The following TENM1 variants were observed in gnomAD, a reference collection of about 807,000 sequenced individuals.
TENM1 encodes teneurin transmembrane protein 1.
TENM1 carries 35 observed loss-of-function variants against 174.8 expected under a neutral mutation model. The ratio of observed to expected loss-of-function variants is 0.20; its 90% CI spans 0.15 to 0.27. The LOEUF is 0.27. Ranked by LOEUF, TENM1 falls within the 10% of genes least tolerant of loss-of-function variation. The pLI, the probability that TENM1 is intolerant of heterozygous loss-of-function variation, is 1.00. For synonymous variants in TENM1, 781 were observed against 798.7 expected (o/e 0.98, Z 0.37); for missense variants, 1,633 against 2,130.1 (o/e 0.77, Z 4.59).
chrX:124,377,198 G>A (rs2060113529), exon 32 of TENM1: 1 of 110,819 alleles, frequency 9.0e-6, no homozygotes, highest in African/African-American at 3.3e-5. Flanking sequence ...CAACAGTGAT[G>A]AAAATGTCTC....
At chrX:124,529,807 C>T (rs2048065025) in intron 16 of TENM1, 57 bp downstream of exon 19, 5 of 1,202,758 alleles carry the variant, frequency 4.2e-6, no homozygotes, top group Non-Finnish European at 5.6e-6. Flanking sequence ...CTGGTTTTAC[C>T]CCTGGCTAGA....
intron 5 of TENM1, among the ~76,000 whole-genome samples, chrX:124,681,446 T>G (rs2052231504): frequency 8.9e-6 from 1 of 111,953 alleles, no homozygotes; most frequent in African/African-American, 3.2e-5. Context: ...CAAATGGGGT[T>G]GATTCATGAT....
At chrX:125,163,352 C>A in the TENM1 span, among the ~76,000 whole-genome samples, 1 of 110,416 alleles carries the variant, frequency 9.1e-6, no homozygotes, top group African/African-American at 3.3e-5. Context: ...CCAATGACAT[C>A]ATAATGATTA....
chrX:125,177,583 G>T, the TENM1 span, among the ~76,000 whole-genome samples: 1 of 112,126 alleles, frequency 8.9e-6, no homozygotes, highest in African/African-American at 3.2e-5. Context: ...AATATGTAAA[G>T]CTGAAGAAAT....
intron 3 of TENM1, among the ~76,000 whole-genome samples, chrX:124,751,725 A>AGT (rs2054076693): frequency 1.0e-5 from 1 of 96,554 alleles, no homozygotes; most frequent in Non-Finnish European, 2.0e-5. Context: ...CCCACCTATG[A>AGT]GTGAGAACAT....
chrX:125,139,857 CGGAGAGAGAGAGAG>C, the TENM1 span, among the ~76,000 whole-genome samples: 7 of 72,220 alleles, frequency 9.7e-5, no homozygotes, highest in South Asian at 1.6e-3. Flanking sequence ...CACACACACA[CGGAGAGAGAGAGAG>C]AGAGAGAGAG....
At chrX:125,045,250 C>A in the TENM1 span, among the ~76,000 whole-genome samples, 1 of 111,456 alleles carries the variant, frequency 9.0e-6, no homozygotes, top group Non-Finnish European at 1.9e-5. Context: ...TGGGGATTAC[C>A]ATTGAGATGA....
At chrX:124,646,929 G>A in intron 8 of TENM1, 119 bp from the exon 12 acceptor site, 1 of 467,486 alleles carries the variant, frequency 2.1e-6, no homozygotes, top group Non-Finnish European at 3.6e-6. Context: ...TGCTGTTTGT[G>A]GAGCACTTAC....
intron 27 of TENM1, among the ~76,000 whole-genome samples, chrX:124,394,786 A>C (rs2060315822): frequency 1.8e-5 from 2 of 112,037 alleles, no homozygotes; most frequent in South Asian, 3.7e-4. Context: ...TTTGTGTCCT[A>C]CTTTTTCAGC....
the TENM1 span, among the ~76,000 whole-genome samples, chrX:125,191,915 T>A: frequency 3.6e-5 from 4 of 111,163 alleles, no homozygotes; most frequent in African/African-American, 6.6e-5. Flanking sequence ...GTCCAGGGAA[T>A]AAGCTAGGTT....
the TENM1 span, among the ~76,000 whole-genome samples, chrX:124,976,630 T>C: frequency 8.9e-6 from 1 of 111,983 alleles, no homozygotes; most frequent in East Asian, 2.8e-4. Context: ...TCCAGTTTCA[T>C]TCATAGCATC....
Position 124,517,692 on chromosome X carries a change from T to C in TENM1, c.3301+2825A>G, listed in dbSNP as rs376658863. ...GTGGGGGGAGGGGGGAGGGATAGCATTAGGAGATAAACCTAATGCATATGA... is the reference window on the plus strand; with the variant it reads ...GTGGGGGGAGGGGGGAGGGATAGCACTAGGAGATAAACCTAATGCATATGA... On this transcript the variant is annotated intron_variant, in intron 18 of 31. Transcript: ENST00000422452. Among the ~76,000 whole-genome samples, 75 of 104,626 alleles carry C rather than the reference T, an allele frequency of 7.2e-4. 2 individuals are homozygous for C. In the East Asian group the frequency reaches 0.022, roughly 31 times the overall value. The allele number at this position is 104,626 out of a possible 115,157, so 90.9% of individuals were successfully genotyped here.
chrX:125,197,684 G>A, the TENM1 span, among the ~76,000 whole-genome samples: 1 of 111,487 alleles, frequency 9.0e-6, no homozygotes, highest in East Asian at 2.8e-4. Flanking sequence ...TCAACAACTG[G>A]ATACTGATAT....
rs1471979302 is a variant in TENM1, at chrX:124,385,478, C to T, written c.6076+199G>A. Among the ~76,000 whole-genome samples, 3 of 112,386 alleles carry T rather than the reference C, an allele frequency of 2.7e-5. No individual in the cohort carries two copies. In the East Asian group the frequency reaches 8.4e-4, roughly 31 times the overall value. The stretch of plus-strand genomic sequence containing the variant: ...ACTTGAGAGCTGAAAGAAAGAAATG[C>T]ACTATATGTTTTTAAGAAATCAGCT... On this transcript the variant is annotated intron_variant, in intron 29 of 31. Coordinates refer to ENST00000422452, the Ensembl canonical transcript of TENM1.
At chrX:125,174,938 C>T in the TENM1 span, among the ~76,000 whole-genome samples, 1 of 111,336 alleles carries the variant, frequency 9.0e-6, no homozygotes, top group African/African-American at 3.3e-5. Context: ...AACTGTGCAA[C>T]CTTCATAAAG....
chrX:125,033,690 G>A, the TENM1 span, among the ~76,000 whole-genome samples: 1 of 110,178 alleles, frequency 9.1e-6, no homozygotes, highest in African/African-American at 3.3e-5. Flanking sequence ...ACCGTATACA[G>A]ATGGGAGCTG....
the TENM1 span, among the ~76,000 whole-genome samples, chrX:125,124,506 G>A: frequency 8.9e-6 from 1 of 111,825 alleles, no homozygotes; most frequent in South Asian, 3.7e-4. Flanking sequence ...TCACTTGGGT[G>A]TTGTGGCGAC....
chrX:124,698,783 A>G (rs777096565), intron 5 of TENM1, among the ~76,000 whole-genome samples: 18 of 111,329 alleles, frequency 1.6e-4, no homozygotes, highest in African/African-American at 5.9e-4. Context: ...AGGTATTGCA[A>G]TATATTTGTA....
chrX:124,617,523 G>A (rs2050423782), intron 11 of TENM1, among the ~76,000 whole-genome samples: 1 of 111,558 alleles, frequency 9.0e-6, no homozygotes, highest in South Asian at 3.8e-4. Context: ...GTAAAGGTTG[G>A]CAGGCTAGCC....
Sources: allele counts gnomAD v4.1 joint callset (sites outside exome capture counted in the v4.1 genomes callset), GRCh38; gene constraint gnomAD v4.1.1; transcripts MANE v1.5; gene names NCBI Gene and HGNC (gene_info 2026-07-23, HGNC 2026-07-21).